Variants in KRABD3 observed in about 807,000 individuals in gnomAD.
The protein encoded by KRABD3 is KRAB domain-containing protein 3.
At chr7:149,719,966 A>T in the KRABD3 span, 1 of 1,525,972 alleles carries the variant, frequency 6.6e-7, no homozygotes, top group South Asian at 1.2e-5. The surrounding 1 kb of genome is among the most constrained non-coding windows in gnomAD (Gnocchi z 5.6). Flanking sequence ...CGAAGCGGAG[A>T]CCACTCCATT....
the KRABD3 span, chr7:149,714,958 C>T: frequency 2.6e-5 from 27 of 1,051,326 alleles, no homozygotes; most frequent in Non-Finnish European, 3.2e-5. Flanking sequence ...CCCGCCTTCT[C>T]CTGCGCGGAC....
the KRABD3 span, among the ~76,000 whole-genome samples, chr7:149,717,974 T>A: frequency 6.6e-6 from 1 of 152,136 alleles, no homozygotes; most frequent in Admixed American, 6.5e-5. Context: ...AATTTTTGTA[T>A]TTTATTAGAG....
the KRABD3 span, chr7:149,730,834 G>T: frequency 3.9e-6 from 2 of 518,618 alleles, no homozygotes; most frequent in Non-Finnish European, 6.9e-6. Flanking sequence ...ATATACACGT[G>T]TGCATGTAGA....
At chr7:149,731,758 G>A in the KRABD3 span, 2 of 1,611,012 alleles carry the variant, frequency 1.2e-6, no homozygotes, top group African/African-American at 2.7e-5. Context: ...GCTTGGACAT[G>A]GAAGACCCAG....
the KRABD3 span, chr7:149,715,469 G>A: frequency 7.7e-5 from 43 of 555,172 alleles, no homozygotes; most frequent in African/African-American, 6.9e-4. Context: ...AAGCCTGCAG[G>A]TAAGGCGTTT....
At chr7:149,719,677 G>A in the KRABD3 span, 1 of 1,604,184 alleles carries the variant, frequency 6.2e-7, no homozygotes, top group Non-Finnish European at 8.5e-7. This position sits in a 1 kb window ranked among gnomAD's most constrained non-coding sequence, Gnocchi z 5.6. Flanking sequence ...CTGTGGGTAA[G>A]GACGGGAGGG....
chr7:149,733,535 C>T, the KRABD3 span: 1 of 1,596,994 alleles, frequency 6.3e-7, no homozygotes, highest in Non-Finnish European at 8.5e-7. Context: ...CCCACGGGGA[C>T]CTCGCTGGGC....
chr7:149,724,592 G>A, the KRABD3 span: 2 of 1,299,138 alleles, frequency 1.5e-6, no homozygotes, highest in South Asian at 3.6e-5. Flanking sequence ...AAGGCCTCAA[G>A]GGATTCTCAG....
the KRABD3 span, chr7:149,728,431 C>G: frequency 2.8e-6 from 4 of 1,437,194 alleles, no homozygotes; most frequent in Admixed American, 7.4e-5. Context: ...TGTGACCCCC[C>G]TTCCCTGGAC....
the KRABD3 span, among the ~76,000 whole-genome samples, chr7:149,727,057 G>C: frequency 6.6e-6 from 1 of 152,332 alleles, no homozygotes; most frequent in Non-Finnish European, 1.5e-5. Flanking sequence ...TTGGTGACCT[G>C]TGCCTCCCCG....
the KRABD3 span, chr7:149,733,528 A>G: frequency 8.7e-3 from 13,854 of 1,595,930 alleles, 100 homozygotes; most frequent in Middle Eastern, 0.051. Context: ...GGACCCTCCC[A>G]CGGGGACCTC....
At chr7:149,722,063 A>T in the KRABD3 span, 1 of 396,640 alleles carries the variant, frequency 2.5e-6, no homozygotes, top group Non-Finnish European at 4.7e-6. Flanking sequence ...CTGTGGTTTC[A>T]TCTGGTGTTC....
chr7:149,715,958 A>G, the KRABD3 span, among the ~76,000 whole-genome samples: 2 of 152,268 alleles, frequency 1.3e-5, no homozygotes, highest in Middle Eastern at 6.8e-3. Flanking sequence ...TAAAGTGAGG[A>G]GTTTGGGCCA....
At chr7:149,723,890 G>T in the KRABD3 span, 1 of 1,613,010 alleles carries the variant, frequency 6.2e-7, no homozygotes, top group East Asian at 2.2e-5. Flanking sequence ...GGTTCTGGAG[G>T]TAAAGGCTTC....
the KRABD3 span, chr7:149,714,972 G>A: frequency 8.7e-7 from 1 of 1,154,874 alleles, no homozygotes; most frequent in South Asian, 4.3e-5. Context: ...CGCGGACCTG[G>A]GCCGCCGCCG....
At chr7:149,721,672 A>C in the KRABD3 span, 1 of 989,980 alleles carries the variant, frequency 1.0e-6, no homozygotes, top group Non-Finnish European at 1.5e-6. Flanking sequence ...TTTTGTTAAC[A>C]AAGTACGCCA....
chr7:149,728,568 T>C, the KRABD3 span: 2 of 1,613,770 alleles, frequency 1.2e-6, no homozygotes, highest in Non-Finnish European at 1.7e-6. Context: ...GAGAATTGTC[T>C]CAAGGAGATA....
At chr7:149,730,276 G>A in the KRABD3 span, 1 of 1,552,058 alleles carries the variant, frequency 6.4e-7, no homozygotes, top group Non-Finnish European at 8.7e-7. Flanking sequence ...TCCAGCTCGA[G>A]CTTCAGCGGC....
the KRABD3 span, chr7:149,720,193 T>G: frequency 6.5e-7 from 1 of 1,530,206 alleles, no homozygotes; most frequent in Non-Finnish European, 8.8e-7. Flanking sequence ...AGGCAATGCG[T>G]GACCTCAGCC....
Sources: gnomAD v4.1 joint callset for allele counts (sites outside exome capture counted in the v4.1 genomes callset) on GRCh38, gnomAD v4.1.1 for gene constraint, Gnocchi (gnomAD v3.1) non-coding constraint, MANE v1.5 for transcripts, NCBI Gene and HGNC (gene_info 2026-07-23, HGNC 2026-07-21) for gene names.